PIP5K1A: variants seen among roughly 807,000 people sequenced by gnomAD.
The protein encoded by PIP5K1A is phosphatidylinositol 4-phosphate 5-kinase type-1 alpha.
In PIP5K1A, 46 loss-of-function variants were observed where a neutral mutation model predicts 72.9. The ratio of observed to expected loss-of-function variants is 0.63; its 90% CI spans 0.50 to 0.81. The LOEUF is 0.81. PIP5K1A is among the 30% of genes least tolerant of loss of function. The pLI, the probability that PIP5K1A is intolerant of heterozygous loss-of-function variation, is 0.00. For synonymous variants in PIP5K1A, 228 were observed against 255.1 expected, an observed-to-expected ratio of 0.89 and a Z score of 1.01; for missense variants, 458 against 706.1, an observed-to-expected ratio of 0.65 and a Z score of 3.98.
At chr1:151,237,084 C>T (rs1690998445) in intron 9 of PIP5K1A, among the ~76,000 whole-genome samples, 1 of 152,154 alleles carries the variant, frequency 6.6e-6, no homozygotes, top group South Asian at 2.1e-4. Flanking sequence ...CCCGCCTTGG[C>T]CTCCCGTAGT....
chr1:151,207,537 T>C (rs1434525951), intron 1 of PIP5K1A, among the ~76,000 whole-genome samples: 1 of 150,822 alleles, frequency 6.6e-6, no homozygotes, highest in African/African-American at 2.4e-5. Flanking sequence ...GATTAATCTT[T>C]TTTTTTTTTT....
intron 4 of PIP5K1A, among the ~76,000 whole-genome samples, chr1:151,231,148 A>G (rs1318956552): frequency 6.7e-6 from 1 of 149,202 alleles, no homozygotes; most frequent in Non-Finnish European, 1.5e-5. Context: ...CAAAGTTTGC[A>G]GTGAGCCGAG....
At chr1:151,225,509 G>C (rs1476558414) in intron 3 of PIP5K1A, among the ~76,000 whole-genome samples, 1 of 142,276 alleles carries the variant, frequency 7.0e-6, no homozygotes, top group Non-Finnish European at 1.5e-5. Context: ...TTGCTCTGTT[G>C]CCCAGTATGG....
chr1:151,239,382 C>G (rs1288945632), intron 11 of PIP5K1A, among the ~76,000 whole-genome samples: 1 of 151,574 alleles, frequency 6.6e-6, no homozygotes, highest in Non-Finnish European at 1.5e-5. Flanking sequence ...AAGTGATTCT[C>G]CTGCCTCAGC....
At chr1:151,202,079 G>A (rs919321021) in intron 1 of PIP5K1A, among the ~76,000 whole-genome samples, 2 of 152,116 alleles carry the variant, frequency 1.3e-5, no homozygotes, top group Admixed American at 1.3e-4. Context: ...CTTTAATATT[G>A]GCAGGGAACA....
At chr1:151,214,619 G>A (rs1687309135) in intron 1 of PIP5K1A, among the ~76,000 whole-genome samples, 1 of 152,136 alleles carries the variant, frequency 6.6e-6, no homozygotes, top group South Asian at 2.1e-4. Flanking sequence ...GACCTCAAGT[G>A]ATCCGCTTGC....
intron 4 of PIP5K1A, among the ~76,000 whole-genome samples, chr1:151,230,723 G>A (rs1051610595): frequency 2.0e-5 from 3 of 152,152 alleles, no homozygotes; most frequent in Non-Finnish European, 4.4e-5. Context: ...TGTGTTTTTA[G>A]TAGAGACGGT....
In PIP5K1A at chr1:151,220,756, T is replaced by G. The variant is rs587700309; in HGVS notation, c.86-3489T>G. ...TGCTGGGATTACAGGCGTGAGCCAC[T>G]TTACCTGGCCTATCACCTAGCTTTG... is the stretch of plus-strand genomic sequence containing the variant. On this transcript the variant is annotated intron_variant, in intron 1 of 15. Transcript: ENST00000368888. Among the ~76,000 whole-genome samples, 411 of 152,292 alleles carry G rather than the reference T, an allele frequency of 2.7e-3. 2 individuals carry two copies. Among genetic ancestry groups the G allele is most frequent in the Non-Finnish European group, 5.0e-3 (343 of 68,020 alleles).
At chr1:151,219,698 A>G (rs1297604872) in intron 1 of PIP5K1A, among the ~76,000 whole-genome samples, 2 of 151,826 alleles carry the variant, frequency 1.3e-5, no homozygotes, top group African/African-American at 4.8e-5. Flanking sequence ...CCATCTAAAA[A>G]AAAAGAAACA....
At chr1:151,243,821 T>G (rs1189410566) in intron 14 of PIP5K1A, among the ~76,000 whole-genome samples, 2 of 152,208 alleles carry the variant, frequency 1.3e-5, no homozygotes, top group Admixed American at 1.3e-4. Context: ...GTGATTCTCC[T>G]TGGGATTTAC....
chr1:151,231,193 CAG>C, intron 4 of PIP5K1A, among the ~76,000 whole-genome samples: 1 of 115,182 alleles, frequency 8.7e-6, no homozygotes, highest in East Asian at 2.5e-4. Flanking sequence ...GCCTGGGTGA[CAG>C]AGTGAGACTT....
chr1:151,195,930 T>TGTC (rs1684542585), upstream of PIP5K1A, among the ~76,000 whole-genome samples: 1 of 120,822 alleles, frequency 8.3e-6, no homozygotes, highest in Non-Finnish European at 1.6e-5. Flanking sequence ...AGTCTCGCTC[T>TGTC]GTCGCCCAGG....
In PIP5K1A at chr1:151,242,583, C is replaced by T. The variant is rs773186957; in HGVS notation, c.1640+16C>T. ...TAACTACAAGGTTGGTTTATTGGCC[C>T]CTTTCTCCATATAATCTTATCTCTC... On this transcript the variant is annotated intron_variant, in intron 14 of 15. Transcript: ENST00000368888. The T allele has an allele frequency of 1.9e-6, 3 of 1,608,524 alleles. No individual in the cohort carries two copies. Among genetic ancestry groups the T allele is most frequent in the East Asian group, 4.5e-5 (2 of 44,832 alleles).
intron 4 of PIP5K1A, among the ~76,000 whole-genome samples, chr1:151,229,167 CAAAAAAA>C (rs34356281): frequency 9.7e-5 from 4 of 41,364 alleles, no homozygotes; most frequent in Middle Eastern, 0.017. Context: ...GACCCCGTCT[CAAAAAAA>C]AAAAAAAAAA....
chr1:151,232,518 C>A, intron 6 of PIP5K1A, 33 bp from the exon 7 acceptor site: 1 of 1,588,928 alleles, frequency 6.3e-7, no homozygotes, highest in Admixed American at 1.8e-5. Flanking sequence ...CCTGATGTGT[C>A]TAAATCTCTT....
At chr1:151,244,046 G>T (rs1222304484) in intron 14 of PIP5K1A, among the ~76,000 whole-genome samples, 1 of 151,868 alleles carries the variant, frequency 6.6e-6, no homozygotes, top group Non-Finnish European at 1.5e-5. Flanking sequence ...TGGTGTGGTG[G>T]CTCATGCCTG....
chr1:151,240,223 T>C, intron 12 of PIP5K1A, 184 bp downstream of exon 12: 1 of 576,074 alleles, frequency 1.7e-6, no homozygotes, highest in Non-Finnish European at 3.1e-6. Flanking sequence ...TCCAAGTTGC[T>C]GTTTCCCCCT....
upstream of PIP5K1A, chr1:151,198,480 G>A: frequency 5.1e-6 from 1 of 196,538 alleles, no homozygotes; most frequent in Non-Finnish European, 1.1e-5. Context: ...CCTCCCGATT[G>A]GTTTTGCTCC....
intron 8 of PIP5K1A, 31 bp from the exon 9 acceptor site, chr1:151,236,527 G>A (rs771175188): frequency 6.1e-5 from 88 of 1,446,076 alleles, no homozygotes; most frequent in African/African-American, 5.7e-5. Context: ...TTTCTTCCAA[G>A]GCTCAGATCA....
Sources: allele counts gnomAD v4.1 joint callset (sites outside exome capture counted in the v4.1 genomes callset), GRCh38; gene constraint gnomAD v4.1.1; transcripts MANE v1.5; gene names NCBI Gene and HGNC (gene_info 2026-07-23, HGNC 2026-07-21).